Variants in ANK3 observed in about 807,000 individuals in gnomAD.
The protein encoded by ANK3 is ankyrin-3.
In ANK3, 57 loss-of-function variants were observed where a neutral mutation model predicts 370.9. That is an observed-to-expected ratio of 0.15 (90% confidence interval 0.12 to 0.19). The LOEUF is 0.19. ANK3 is among the 10% of genes least tolerant of loss of function. ANK3 has a pLI of 1.00. For missense variants in ANK3, 4,439 were observed against 5,302.1 expected, an observed-to-expected ratio of 0.84 and a Z score of 5.06; for synonymous variants, 1,929 against 1,946.3, an observed-to-expected ratio of 0.99 and a Z score of 0.23.
rs563946588 is a variant in ANK3, at chr10:60,036,422, A to ATTTTTTTTTTTTTTTTT, written c.*19+6233_*19+6249dup. On this transcript the variant is annotated intron_variant, in intron 43 of 43. Coordinates refer to ENST00000280772, the MANE Select transcript of ANK3 (RefSeq NM_020987.5). ...CTGCGGAAGAGAGAGGTCAGAGGCA[A>ATTTTTTTTTTTTTTTTT]TTTTTTTTTTTTTTTTTTTTTTTTT... Among the ~76,000 whole-genome samples the ATTTTTTTTTTTTTTTTT allele has an allele frequency of 3.0e-4, 22 of 72,292 alleles. 5 individuals are homozygous for ATTTTTTTTTTTTTTTTT. Among genetic ancestry groups the ATTTTTTTTTTTTTTTTT allele is most frequent in the African/African-American group, 1.3e-3 (19 of 14,242 alleles). The allele number at this position is 72,292 out of a possible 152,430, so 47.4% of individuals were successfully genotyped here.
At chr10:60,682,823 A>G (rs988645067) in intron 1 of ANK3, among the ~76,000 whole-genome samples, 2 of 152,118 alleles carry the variant, frequency 1.3e-5, no homozygotes, top group Non-Finnish European at 1.5e-5. Flanking sequence ...ATCTTTTGTA[A>G]TGTCCTTTAT....
intron 1 of ANK3, among the ~76,000 whole-genome samples, chr10:60,346,688 AC>A: frequency 6.6e-6 from 1 of 152,104 alleles, no homozygotes. Flanking sequence ...CAACTCTCAT[AC>A]TTTGGAAATA....
At chr10:60,177,567 C>T (rs2096004649) in intron 18 of ANK3, among the ~76,000 whole-genome samples, 1 of 150,626 alleles carries the variant, frequency 6.6e-6, no homozygotes, top group Non-Finnish European at 1.5e-5. Flanking sequence ...TCTCCTTAGT[C>T]CCCATACCAC....
chr10:60,620,020 A>G (rs957857469), intron 1 of ANK3, among the ~76,000 whole-genome samples: 12 of 152,272 alleles, frequency 7.9e-5, no homozygotes, highest in African/African-American at 2.9e-4. Flanking sequence ...TATGGGCCAA[A>G]TCATGCCTGC....
intron 28 of ANK3, among the ~76,000 whole-genome samples, chr10:60,100,678 A>C (rs2091099192): frequency 6.6e-6 from 1 of 152,334 alleles, no homozygotes; most frequent in Admixed American, 6.5e-5. Context: ...TGTTCCTAGC[A>C]TTGTAAAATT....
intron 2 of ANK3, among the ~76,000 whole-genome samples, chr10:60,541,069 C>T (rs527659917): frequency 3.0e-4 from 46 of 151,712 alleles, no homozygotes; most frequent in Admixed American, 1.3e-3. Context: ...AGTAATGCTA[C>T]ATGTATTGGC....
At chr10:60,484,369 T>G (rs1259138962) in intron 2 of ANK3, among the ~76,000 whole-genome samples, 2 of 152,174 alleles carry the variant, frequency 1.3e-5, no homozygotes, top group Non-Finnish European at 2.9e-5. Context: ...TGGGGAAATT[T>G]GAATGAATGG....
At chr10:60,122,455 C>T (rs546763942) in intron 25 of ANK3, among the ~76,000 whole-genome samples, 9 of 152,360 alleles carry the variant, frequency 5.9e-5, no homozygotes, top group African/African-American at 1.9e-4. Flanking sequence ...AGCCAGTCCT[C>T]GCCTGGCCTC....
At chr10:60,480,456 TTGGAAGAGG>T (rs1259618659) in intron 2 of ANK3, among the ~76,000 whole-genome samples, 2 of 152,038 alleles carry the variant, frequency 1.3e-5, no homozygotes, top group African/African-American at 4.8e-5. Context: ...TCAATTTCAA[TTGGAAGAGG>T]TGAAAGAAAA....
intron 2 of ANK3, among the ~76,000 whole-genome samples, chr10:60,536,768 C>A (rs1241454700): frequency 6.6e-6 from 1 of 151,984 alleles, no homozygotes; most frequent in Non-Finnish European, 1.5e-5. Context: ...TGACTCATCT[C>A]TAATAAGTCA....
Position 60,684,886 on chromosome 10 carries a change from CCTGTA to C in ANK3, c.57+48372_57+48376del, listed in dbSNP as rs1589024224. 6.3e-5 allele frequency: 94 copies of C among 1,490,178 alleles called. No homozygotes were observed. The East Asian group carries it at 2.2e-3, about 34-fold the overall frequency. 92.3% of individuals were successfully genotyped at this position (1,490,178 alleles called of 1,614,324 possible). A position where few individuals can be genotyped will look rare whatever the true frequency, so the allele number is the denominator to read the frequency against. ...TAGGTTATCAGAAAATCAAGGAGTCCCTGTACTTACAGTTGCTAATAAACAAGACT... is the reference window on the plus strand; with the variant it reads ...TAGGTTATCAGAAAATCAAGGAGTCCCTTACAGTTGCTAATAAACAAGACT... On this transcript the variant is annotated intron_variant, in intron 1 of 43. Coordinates refer to the ANK3 transcript ENST00000373827.
intron 1 of ANK3, among the ~76,000 whole-genome samples, chr10:60,327,110 C>T (rs749171104): frequency 1.2e-4 from 18 of 152,008 alleles, no homozygotes; most frequent in Non-Finnish European, 1.5e-4. Context: ...CCTAAACATT[C>T]GGTGGGATGA....
chr10:60,300,560 T>C, intron 1 of ANK3: 2 of 1,193,406 alleles, frequency 1.7e-6, no homozygotes, highest in South Asian at 3.1e-5. Context: ...CCTGGGCCCT[T>C]ATAAACAGCA....
intron 8 of ANK3, among the ~76,000 whole-genome samples, chr10:60,226,573 T>TATACTATA (rs1491139456): frequency 1.2e-3 from 25 of 20,902 alleles, no homozygotes; most frequent in African/African-American, 2.0e-3. Context: ...ACATAGTATA[T>TATACTATA]GTATATATAC....
intron 2 of ANK3, among the ~76,000 whole-genome samples, chr10:60,491,984 A>T (rs2075519547): frequency 6.7e-6 from 1 of 148,478 alleles, no homozygotes. Flanking sequence ...TAAATGACAA[A>T]CCTCATATAC....
intron 42 of ANK3, chr10:60,051,360 T>A (rs2077957779): frequency 2.6e-6 from 1 of 378,958 alleles, no homozygotes; most frequent in Admixed American, 6.4e-5. Flanking sequence ...CACAAAGCCA[T>A]TTCATTATCA....
At chr10:60,422,005 A>G (rs571245892) in intron 2 of ANK3, among the ~76,000 whole-genome samples, 1 of 152,120 alleles carries the variant, frequency 6.6e-6, no homozygotes, top group Non-Finnish European at 1.5e-5. Flanking sequence ...ATAAGTAAAT[A>G]AAAGGTCTTA....
At chr10:60,278,661 A>C in intron 4 of ANK3, 113 bp downstream of exon 4, 2 of 848,772 alleles carry the variant, frequency 2.4e-6, no homozygotes, top group South Asian at 3.2e-5. Context: ...TTTTAAATAT[A>C]GTTCTTAAGT....
chr10:60,501,699 C>A (rs1288610832), intron 2 of ANK3, among the ~76,000 whole-genome samples: 1 of 118,470 alleles, frequency 8.4e-6, no homozygotes, highest in Non-Finnish European at 1.7e-5. Flanking sequence ...CAGTGAGACT[C>A]TGTCTCAAAA....
Sources: gnomAD v4.1 joint callset for allele counts (sites outside exome capture counted in the v4.1 genomes callset) on GRCh38, gnomAD v4.1.1 for gene constraint, MANE v1.5 for transcripts, NCBI Gene and HGNC (gene_info 2026-07-23, HGNC 2026-07-21) for gene names.